The following NRG1 variants were observed in gnomAD, a reference collection of about 807,000 sequenced individuals.
NRG1 encodes the protein pro-neuregulin-1, membrane-bound isoform.
A neutral mutation model predicts 63.8 loss-of-function variants in NRG1; 18 were observed. The observed-to-expected ratio is 0.28, with a 90% CI of 0.19 to 0.42. NRG1 has a LOEUF of 0.42. Ranked by LOEUF, NRG1 falls within the 10% of genes least tolerant of loss-of-function variation. The pLI is 1.00. For missense variants in NRG1, 762 were observed against 814.7 expected, an observed-to-expected ratio of 0.94 and a Z score of 0.79; for synonymous variants, 302 against 301.3, an observed-to-expected ratio of 1.00 and a Z score of -0.02.
chr8:32,754,792 G>A (rs1236626274), intron 8 of NRG1, among the ~76,000 whole-genome samples: 1 of 152,118 alleles, frequency 6.6e-6, no homozygotes, highest in Non-Finnish European at 1.5e-5. Flanking sequence ...ATTCTAAAAG[G>A]AGAGGGAGGG....
intron 1 of NRG1, among the ~76,000 whole-genome samples, chr8:32,339,709 T>C (rs1007180545): frequency 6.6e-6 from 1 of 152,202 alleles, no homozygotes; most frequent in African/African-American, 2.4e-5. Context: ...TTTAGTAATT[T>C]CATTTTGATT....
chr8:31,935,706 A>G (rs1160874218), intron 1 of NRG1, among the ~76,000 whole-genome samples: 1 of 152,208 alleles, frequency 6.6e-6, no homozygotes, highest in Non-Finnish European at 1.5e-5. Context: ...CTCTGTCTCC[A>G]AGAAGCTCTT....
chr8:32,473,215 G>A (rs1316719932), intron 1 of NRG1, among the ~76,000 whole-genome samples: 1 of 152,148 alleles, frequency 6.6e-6, no homozygotes, highest in Non-Finnish European at 1.5e-5. Context: ...TTACCAATGT[G>A]ATAATTACTA....
At chr8:32,396,958 G>A (rs1451347399) in intron 1 of NRG1, among the ~76,000 whole-genome samples, 1 of 151,992 alleles carries the variant, frequency 6.6e-6, no homozygotes, top group African/African-American at 2.4e-5. Flanking sequence ...TAAAATTCTT[G>A]TAGCCTCTAT....
At position 32,215,045 on chromosome 8, in the gene NRG1, A is replaced by G. The variant is rs561166213; in HGVS notation, c.38-380783A>G. Among the ~76,000 whole-genome samples the G allele has an allele frequency of 5.9e-5, 9 of 152,392 alleles. No individual in the cohort carries two copies. The East Asian group carries it at 1.7e-3, about 29-fold the overall frequency. On this transcript the variant is annotated intron_variant, in intron 1 of 10. Coordinates refer to the NRG1 transcript ENST00000519301. ...TGAGGAAATGGGGGACACCCAGTCA[A>G]ATTGGAATTTCAGATAAACAACAAA...
chr8:32,196,575 T>A (rs989785630), intron 1 of NRG1, among the ~76,000 whole-genome samples: 3 of 152,204 alleles, frequency 2.0e-5, no homozygotes, highest in South Asian at 2.1e-4. Context: ...GCAGAAATAT[T>A]TCCAGCAGAG....
chr8:32,712,039 G>A (rs923468025), intron 5 of NRG1, among the ~76,000 whole-genome samples: 1 of 152,168 alleles, frequency 6.6e-6, no homozygotes, highest in South Asian at 2.1e-4. Flanking sequence ...TACCCTTACC[G>A]TACATGGCCC....
intron 1 of NRG1, among the ~76,000 whole-genome samples, chr8:32,540,940 GT>G (rs1832516124): frequency 6.6e-6 from 1 of 152,208 alleles, no homozygotes; most frequent in Admixed American, 6.5e-5. Context: ...TTTCTGCCAA[GT>G]TAGCTAATTG....
At chr8:32,529,810 T>A (rs1257901816) in intron 1 of NRG1, among the ~76,000 whole-genome samples, 1 of 152,210 alleles carries the variant, frequency 6.6e-6, no homozygotes, top group African/African-American at 2.4e-5. Flanking sequence ...CAATACTTTC[T>A]TCTGGATACC....
chr8:31,940,568 G>T (rs1038585854), intron 1 of NRG1, among the ~76,000 whole-genome samples: 3 of 152,026 alleles, frequency 2.0e-5, no homozygotes, highest in African/African-American at 7.2e-5. Context: ...AGAACTAAAT[G>T]AAATTGAAAC....
Position 32,362,937 on chromosome 8 carries a change from A to G in NRG1, c.38-232891A>G, listed in dbSNP as rs541530471. Among the ~76,000 whole-genome samples the G allele has an allele frequency of 1.8e-3, 267 of 152,268 alleles. 1 individual carries two copies. The highest frequency in any genetic ancestry group is 3.1e-3 in the Non-Finnish European group (209 of 68,026). ...ACAAGGAAGGAATTACGGGTCTCTGATCACAGCAGAGGGGCCCTCATTAGA... is the reference window on the plus strand; with the variant it reads ...ACAAGGAAGGAATTACGGGTCTCTGGTCACAGCAGAGGGGCCCTCATTAGA... On this transcript the variant is annotated intron_variant, in intron 1 of 10. Coordinates refer to the NRG1 transcript ENST00000519301.
intron 1 of NRG1, among the ~76,000 whole-genome samples, chr8:32,241,761 T>C (rs1348498382): frequency 6.6e-6 from 1 of 152,100 alleles, no homozygotes; most frequent in Non-Finnish European, 1.5e-5. Context: ...GCCACATTTT[T>C]TTTTTTTTTG....
At chr8:32,369,648 C>A (rs1256159598) in intron 1 of NRG1, among the ~76,000 whole-genome samples, 1 of 152,140 alleles carries the variant, frequency 6.6e-6, no homozygotes, top group African/African-American at 2.4e-5. Context: ...GAGGAGATCA[C>A]CTTTATTAAA....
intron 1 of NRG1, among the ~76,000 whole-genome samples, chr8:31,654,225 CT>C (rs1805192977): frequency 1.3e-5 from 2 of 152,160 alleles, no homozygotes; most frequent in African/African-American, 4.8e-5. Flanking sequence ...CACCTACTTC[CT>C]GTTAGCAAGA....
In NRG1 at chr8:31,648,164, C is replaced by T. The variant is rs1464069275; in HGVS notation, c.37+8733C>T. Among the ~76,000 whole-genome samples the T allele has an allele frequency of 3.0e-5, 3 of 101,242 alleles. No individual in the cohort carries two copies. The South Asian group carries it at 1.1e-3, about 36-fold the overall frequency. The allele number at this position is 101,242 out of a possible 152,430, so 66.4% of individuals were successfully genotyped here. A position where few individuals can be genotyped will look rare whatever the true frequency, so the allele number is the denominator to read the frequency against. On this transcript the variant is annotated intron_variant, in intron 1 of 10. Coordinates refer to the NRG1 transcript ENST00000519301. ...TTTTTTTTTTTTTGAGACGGAGTTTCGCTCTGTCGCCCAGGCTGGAGTGCT... is the reference window on the plus strand; with the variant it reads ...TTTTTTTTTTTTTGAGACGGAGTTTTGCTCTGTCGCCCAGGCTGGAGTGCT...
At chr8:31,717,375 C>G (rs1265070617) in intron 1 of NRG1, among the ~76,000 whole-genome samples, 1 of 148,636 alleles carries the variant, frequency 6.7e-6, no homozygotes, top group Non-Finnish European at 1.5e-5. Flanking sequence ...CTACTGCACT[C>G]CAGCCTGGGC....
chr8:32,301,732 G>C (rs558388537), intron 1 of NRG1, among the ~76,000 whole-genome samples: 1 of 152,278 alleles, frequency 6.6e-6, no homozygotes, highest in South Asian at 2.1e-4. Flanking sequence ...ATCAGATCTC[G>C]TGAGACTCAT....
At chr8:31,842,216 T>C (rs1826263147) in intron 1 of NRG1, among the ~76,000 whole-genome samples, 1 of 152,256 alleles carries the variant, frequency 6.6e-6, no homozygotes, top group Non-Finnish European at 1.5e-5. Context: ...ACCTGGTTTT[T>C]ATCTGGCTTC....
intron 1 of NRG1, among the ~76,000 whole-genome samples, chr8:31,647,177 A>G (rs986366152): frequency 4.6e-5 from 7 of 152,234 alleles, no homozygotes; most frequent in African/African-American, 7.2e-5. Flanking sequence ...GTGTTTAACC[A>G]TCTCAGTACT....
Sources: gnomAD v4.1 joint callset for allele counts (sites outside exome capture counted in the v4.1 genomes callset) on GRCh38, gnomAD v4.1.1 for gene constraint, MANE v1.5 for transcripts, NCBI Gene and HGNC (gene_info 2026-07-23, HGNC 2026-07-21) for gene names.